B3GALT1: variants seen among roughly 807,000 people sequenced by gnomAD.
B3GALT1 encodes beta-1,3-galactosyltransferase 1.
In B3GALT1, 10 loss-of-function variants were observed where a neutral mutation model predicts 23.2. That is an observed-to-expected ratio of 0.43 (90% confidence interval 0.27 to 0.73). B3GALT1 has a LOEUF of 0.73. Among genes scored for constraint, B3GALT1 ranks in the 30% least tolerant of loss-of-function variants. B3GALT1 has a pLI of 0.21. For synonymous variants in B3GALT1, 156 were observed against 141.5 expected, an observed-to-expected ratio of 1.10 and a Z score of -0.73; for missense variants, 299 against 405.4, an observed-to-expected ratio of 0.74 and a Z score of 2.25.
intron 3 of B3GALT1, among the ~76,000 whole-genome samples, chr2:167,670,312 T>G (rs1686301112): frequency 6.6e-6 from 1 of 152,212 alleles, no homozygotes; most frequent in South Asian, 2.1e-4. Flanking sequence ...CTAAGAATTA[T>G]CTTCCAAAGA....
chr2:167,391,516 C>A (rs1698014190), intron 1 of B3GALT1, among the ~76,000 whole-genome samples: 1 of 152,020 alleles, frequency 6.6e-6, no homozygotes, highest in African/African-American at 2.4e-5. Flanking sequence ...GCTTTTCCAC[C>A]CACTGCTGGT....
chr2:167,631,212 C>T (rs1685435487), intron 2 of B3GALT1, among the ~76,000 whole-genome samples: 1 of 151,768 alleles, frequency 6.6e-6, no homozygotes, highest in Non-Finnish European at 1.5e-5. Context: ...TTTGAATAAA[C>T]AGGGCATCAT....
intron 1 of B3GALT1, among the ~76,000 whole-genome samples, chr2:167,473,874 G>C (rs983792847): frequency 6.6e-6 from 1 of 152,166 alleles, no homozygotes; most frequent in Non-Finnish European, 1.5e-5. Context: ...AAATGTCGTA[G>C]AGTAGCGTAG....
intron 3 of B3GALT1, among the ~76,000 whole-genome samples, chr2:167,659,888 C>T (rs1340615683): frequency 6.6e-6 from 1 of 151,988 alleles, no homozygotes; most frequent in Non-Finnish European, 1.5e-5. Flanking sequence ...GTACCAGCTG[C>T]CTGTCACTGT....
At chr2:167,608,114 A>G (rs1041817710) in intron 2 of B3GALT1, among the ~76,000 whole-genome samples, 2 of 152,196 alleles carry the variant, frequency 1.3e-5, no homozygotes, top group Non-Finnish European at 2.9e-5. Context: ...CGGCCCATGT[A>G]AATTAAATAA....
chr2:167,545,802 A>G (rs1364172273), intron 2 of B3GALT1, among the ~76,000 whole-genome samples: 1 of 152,228 alleles, frequency 6.6e-6, no homozygotes, highest in African/African-American at 2.4e-5. Context: ...TTTTATTATA[A>G]TACAGGTTGA....
At chr2:167,844,518 G>A (rs893106590) in intron 4 of B3GALT1, among the ~76,000 whole-genome samples, 9 of 152,184 alleles carry the variant, frequency 5.9e-5, no homozygotes, top group African/African-American at 2.2e-4. Flanking sequence ...AGAAGCTTCA[G>A]ACCTTACCTG....
At chr2:167,602,812 T>A (rs1040617378) in intron 2 of B3GALT1, among the ~76,000 whole-genome samples, 1 of 150,602 alleles carries the variant, frequency 6.6e-6, no homozygotes, top group African/African-American at 2.4e-5. Flanking sequence ...ATCTTGAGTT[T>A]AAAAAAAAAA....
At position 167,714,069 on chromosome 2, in the gene B3GALT1, T is replaced by C. The variant is rs2105521044; in HGVS notation, c.-352+67103T>C. ...ACATTTAAATGACCAGGATCATCTTTGGCATCATTTCTAGTGGATTCCATT... is the reference window on the plus strand; with the variant it reads ...ACATTTAAATGACCAGGATCATCTTCGGCATCATTTCTAGTGGATTCCATT... On this transcript the variant is annotated intron_variant, in intron 3 of 4. Coordinates refer to ENST00000392690, the MANE Select transcript of B3GALT1 (RefSeq NM_020981.4). 7.2e-6 allele frequency: 11 copies of C among 1,535,522 alleles called. No homozygotes were observed. The South Asian group carries it at 1.2e-4, about 17-fold the overall frequency.
chr2:167,648,671 T>C (rs1270988776), intron 3 of B3GALT1, among the ~76,000 whole-genome samples: 1 of 152,182 alleles, frequency 6.6e-6, no homozygotes, highest in Non-Finnish European at 1.5e-5. Flanking sequence ...GCATTTTGTT[T>C]AGCCATCAAA....
intron 2 of B3GALT1, among the ~76,000 whole-genome samples, chr2:167,593,312 C>A (rs907690657): frequency 1.3e-5 from 2 of 152,124 alleles, no homozygotes; most frequent in Non-Finnish European, 2.9e-5. Flanking sequence ...CAATATAGAT[C>A]CCAAGATATT....
chr2:167,559,661 G>A (rs1683930147), intron 2 of B3GALT1, among the ~76,000 whole-genome samples: 1 of 152,222 alleles, frequency 6.6e-6, no homozygotes, highest in Non-Finnish European at 1.5e-5. Flanking sequence ...GAAGAATGCA[G>A]AAGCCTCAGG....
At chr2:167,441,965 G>A (rs1432734907) in intron 1 of B3GALT1, among the ~76,000 whole-genome samples, 1 of 151,654 alleles carries the variant, frequency 6.6e-6, no homozygotes, top group Non-Finnish European at 1.5e-5. Context: ...TGCCATGCTG[G>A]TGTGCTGCAC....
chr2:167,373,263 G>A (rs1697712744), intron 1 of B3GALT1, among the ~76,000 whole-genome samples: 1 of 151,904 alleles, frequency 6.6e-6, no homozygotes, highest in Admixed American at 6.6e-5. Flanking sequence ...ACAACAGTAT[G>A]AAGCTACTAG....
chr2:167,638,239 A>G (rs940051426), intron 2 of B3GALT1, among the ~76,000 whole-genome samples: 10 of 151,994 alleles, frequency 6.6e-5, no homozygotes, highest in Non-Finnish European at 8.8e-5. Context: ...TTTAACTAAA[A>G]TGTGTTTTAG....
At chr2:167,804,567 A>G (rs561287462) in intron 3 of B3GALT1, among the ~76,000 whole-genome samples, 1 of 152,144 alleles carries the variant, frequency 6.6e-6, no homozygotes, top group East Asian at 1.9e-4. Flanking sequence ...TATGAGTGAG[A>G]ACATGCGGTG....
intron 2 of B3GALT1, among the ~76,000 whole-genome samples, chr2:167,598,184 A>G (rs1235859470): frequency 6.6e-6 from 1 of 152,158 alleles, no homozygotes; most frequent in African/African-American, 2.4e-5. Context: ...AAATTGAAGC[A>G]AGACTGAAAT....
chr2:167,615,651 AAAAT>A (rs1003298112), intron 2 of B3GALT1, among the ~76,000 whole-genome samples: 5 of 142,384 alleles, frequency 3.5e-5, no homozygotes, highest in African/African-American at 1.1e-4. Flanking sequence ...TGTCAATTAA[AAAAT>A]AAAAAAAAAT....
intron 3 of B3GALT1, among the ~76,000 whole-genome samples, chr2:167,746,414 C>T (rs937295875): frequency 1.3e-5 from 2 of 152,220 alleles, no homozygotes; most frequent in African/African-American, 4.8e-5. Flanking sequence ...TCCAAGCCCT[C>T]TCAAGCCTTT....
Sources: gnomAD v4.1 joint callset for allele counts (sites outside exome capture counted in the v4.1 genomes callset) on GRCh38, gnomAD v4.1.1 for gene constraint, MANE v1.5 for transcripts, NCBI Gene and HGNC (gene_info 2026-07-23, HGNC 2026-07-21) for gene names.